The following DNMT3L variants were observed in gnomAD, a reference collection of about 807,000 sequenced individuals.
The protein encoded by DNMT3L is DNA (cytosine-5)-methyltransferase 3-like.
In DNMT3L, 33 loss-of-function variants were observed where a neutral mutation model predicts 36.2. The ratio of observed to expected loss-of-function variants is 0.91; its 90% CI spans 0.69 to 1.22. DNMT3L has a LOEUF of 1.22. Among genes scored for constraint, DNMT3L ranks in the 50% most tolerant of loss-of-function variants. The probability of loss-of-function intolerance (pLI) is 0.00; values close to 1 mark genes in which losing one functional copy is unlikely to be tolerated. For missense variants in DNMT3L, 310 were observed against 303.1 expected, an observed-to-expected ratio of 1.02 and a Z score of -0.17; for synonymous variants, 117 against 121.7, an observed-to-expected ratio of 0.96 and a Z score of 0.26.
chr21:44,261,004 C>T (rs1410390745), intron 2 of DNMT3L, 150 bp downstream of exon 2: 2 of 1,347,732 alleles, frequency 1.5e-6, no homozygotes, highest in Non-Finnish European at 2.1e-6. Context: ...ACGCCCATAC[C>T]TGGGGGAAGA....
At chr21:44,260,219 A>C (rs1238953737) in intron 3 of DNMT3L, among the ~76,000 whole-genome samples, 4 of 152,164 alleles carry the variant, frequency 2.6e-5, no homozygotes, top group African/African-American at 9.7e-5. Context: ...AGGCAAACCC[A>C]CGTTGAGAGA....
At chr21:44,259,200 T>G (rs567672876) in intron 5 of DNMT3L, among the ~76,000 whole-genome samples, 1 of 152,236 alleles carries the variant, frequency 6.6e-6, no homozygotes, top group East Asian at 1.9e-4. Flanking sequence ...ATCGCTCCCC[T>G]GCACAGCGAT....
intron 6 of DNMT3L, among the ~76,000 whole-genome samples, chr21:44,257,680 C>CAAAAA (rs60313825): frequency 8.3e-5 from 10 of 120,410 alleles, no homozygotes; most frequent in East Asian, 2.1e-4. Flanking sequence ...GACTCCGTCT[C>CAAAAA]AAAAAAAAAA....
At chr21:44,261,290 G>C in intron 1 of DNMT3L, 24 bp from the exon 2 acceptor site, 1 of 1,606,968 alleles carries the variant, frequency 6.2e-7, no homozygotes, top group Non-Finnish European at 8.5e-7. Context: ...CACGGACACA[G>C]ATGTGAGAAA....
intron 7 of DNMT3L, among the ~76,000 whole-genome samples, chr21:44,255,468 C>A (rs935573896): frequency 3.4e-5 from 5 of 148,070 alleles, no homozygotes; most frequent in African/African-American, 1.0e-4. Context: ...TGCAGCGAGC[C>A]GAGATCAAGC....
At chr21:44,261,084 A>C (rs1484292308) in intron 2 of DNMT3L, 70 bp downstream of exon 2, 1 of 1,560,892 alleles carries the variant, frequency 6.4e-7, no homozygotes, top group East Asian at 2.2e-5. Flanking sequence ...GAAGCCTGGA[A>C]CTCCAGACCT....
intron 1 of DNMT3L, 74 bp from the exon 2 acceptor site, chr21:44,261,340 C>G: frequency 7.1e-7 from 1 of 1,418,394 alleles, no homozygotes; most frequent in Non-Finnish European, 9.8e-7. Flanking sequence ...CACCCCAGCA[C>G]GGGAAGCAGC....
At chr21:44,259,778 T>C in intron 3 of DNMT3L, 67 bp from the exon 4 acceptor site, 1 of 1,504,578 alleles carries the variant, frequency 6.6e-7, no homozygotes, top group Non-Finnish European at 9.1e-7. Flanking sequence ...CGATTAGGAA[T>C]AAATTTAGCC....
At chr21:44,261,023 G>T in intron 2 of DNMT3L, 131 bp downstream of exon 2, 1 of 1,366,322 alleles carries the variant, frequency 7.3e-7, no homozygotes, top group Non-Finnish European at 1.0e-6. Flanking sequence ...GACTGTGGGT[G>T]GGGAACCTCC....
At chr21:44,260,436 G>A (rs1241078914) in intron 3 of DNMT3L, among the ~76,000 whole-genome samples, 2 of 152,106 alleles carry the variant, frequency 1.3e-5, no homozygotes, top group African/African-American at 4.8e-5. Flanking sequence ...GGGAGGGGGA[G>A]AAGGGATACA....
intron 8 of DNMT3L, among the ~76,000 whole-genome samples, chr21:44,254,036 A>C (rs1272942356): frequency 1.3e-5 from 2 of 152,232 alleles, no homozygotes; most frequent in African/African-American, 4.8e-5. Flanking sequence ...AGCCCCCAAA[A>C]GACCTGTACA....
Position 44,254,547 on chromosome 21 carries a change from G to A in DNMT3L, c.693+70C>T, listed in dbSNP as rs543774823. ...CCGCCTCCTTGCCCGCCTCATCCTT[G>A]GCATTTCCTCTGAGGAAGCTCGCAC... On this transcript the variant is annotated intron_variant, in intron 8 of 11. Transcript: ENST00000628202. 256 of 1,549,718 alleles carry A rather than the reference G, an allele frequency of 1.7e-4. No homozygotes were observed. The African/African-American group carries it at 3.1e-3, about 19-fold the overall frequency.
chr21:44,260,048 CAAAAAAAAAAAAAAA>C (rs765722839), intron 3 of DNMT3L, among the ~76,000 whole-genome samples: 2 of 63,488 alleles, frequency 3.2e-5, no homozygotes, highest in Admixed American at 1.9e-4. Flanking sequence ...GAGTGTGTCT[CAAAAAAAAAAAAAAA>C]AAAAAAAAGA....
chr21:44,257,948 C>G (rs1228293436), intron 6 of DNMT3L, among the ~76,000 whole-genome samples: 15 of 152,212 alleles, frequency 9.9e-5, no homozygotes, highest in Non-Finnish European at 1.5e-5. Context: ...TTCTCCGTCT[C>G]CATTTCCCAA....
Position 44,258,643 on chromosome 21 carries a change from C to A in DNMT3L, c.396G>T (p.Gly132=). 1 of 1,612,920 alleles carries A rather than the reference C, an allele frequency of 6.2e-7. No homozygotes were observed. The highest frequency in any genetic ancestry group is 8.5e-7 in the Non-Finnish European group (1 of 1,179,982). The change falls in exon 6 of 12, where the codon GGG becomes GGT. Residue 132 remains glycine, a synonymous_variant. Coordinates refer to ENST00000628202, the MANE Select transcript of DNMT3L (RefSeq NM_175867.3). The surrounding 1 kb of genome is among the most constrained non-coding windows in gnomAD (Gnocchi z 6.2). The stretch of plus-strand genomic sequence containing the variant: ...CCCAGTTGCTCATGGCGTGCACCTT[C>A]CCCGAGGTCCCGGGGCCGACCAGGC... ...VDSLVGPGTS[G]KVHAMSNWVC... is the part of the protein sequence containing the mutation.
Position 44,256,419 on chromosome 21 carries a change from A to ATT in DNMT3L, c.517-267_517-266dup, listed in dbSNP as rs937821792. On this transcript the variant is annotated intron_variant, in intron 6 of 11. Transcript: ENST00000628202. ...ACAGTAGGTGTGGAGGGGTTTGCTG[A>ATT]TTTTTTTTTTTTTTTTTTTTTTGAG... 2.4e-3 allele frequency among the ~76,000 whole-genome samples: 253 copies of ATT among 103,750 alleles called. 3 individuals carry two copies. The highest frequency in any genetic ancestry group is 5.2e-3 in the African/African-American group (130 of 24,822). 68.1% of individuals were successfully genotyped at this position (103,750 alleles called of 152,430 possible). A position where few individuals can be genotyped will look rare whatever the true frequency, so the allele number is the denominator to read the frequency against.
intron 2 of DNMT3L, 135 bp from the exon 3 acceptor site, chr21:44,260,974 A>G: frequency 6.9e-7 from 1 of 1,443,284 alleles, no homozygotes; most frequent in South Asian, 1.2e-5. Context: ...CCGCCCTCAC[A>G]CCTTATCTTG....
chr21:44,261,852 G>C lies in DNMT3L; in HGVS notation c.-120C>G, dbSNP rs867706445. The stretch of plus-strand genomic sequence containing the variant: ...AGGACTGGGCCATGGAACGAGGGAC[G>C]GCGCAGGCAAAGAATGAGCTGGAAG... On this transcript the variant is annotated 5_prime_UTR_variant, in exon 1 of 12. Transcript: ENST00000628202. The C allele has an allele frequency of 6.6e-6, 1 of 152,480 alleles. No individual in the cohort carries two copies. Among genetic ancestry groups the C allele is most frequent in the African/African-American group, 2.4e-5 (1 of 41,380 alleles). The allele number at this position is 152,480 out of a possible 1,614,324, so 9.4% of individuals were successfully genotyped here. A position where few individuals can be genotyped will look rare whatever the true frequency, so the allele number is the denominator to read the frequency against.
At position 44,255,448 on chromosome 21, in the gene DNMT3L, G is replaced by C. The variant is rs922073931; in HGVS notation, c.604+619C>G. The stretch of plus-strand genomic sequence containing the variant: ...AGGCAGGAGAATTGGTTGAACCCGG[G>C]GGGCAGAGGTGCAGCGAGCCGAGAT... On this transcript the variant is annotated intron_variant, in intron 7 of 11. Coordinates refer to ENST00000628202, the MANE Select transcript of DNMT3L (RefSeq NM_175867.3). Among the ~76,000 whole-genome samples, 5 of 151,510 alleles carry C rather than the reference G, an allele frequency of 3.3e-5. No homozygotes were observed. The East Asian group carries it at 5.8e-4, about 18-fold the overall frequency.
Sources: gnomAD v4.1 joint callset for allele counts (sites outside exome capture counted in the v4.1 genomes callset) on GRCh38, gnomAD v4.1.1 for gene constraint, Gnocchi (gnomAD v3.1) non-coding constraint, MANE v1.5 for transcripts, NCBI Gene and HGNC (gene_info 2026-07-23, HGNC 2026-07-21) for gene names.